Variants in SFMBT2 observed in about 807,000 individuals in gnomAD.
The protein encoded by SFMBT2 is scm-like with four MBT domains protein 2.
Under a neutral mutation model 110.1 loss-of-function variants are expected in SFMBT2, and 38 were observed. The observed-to-expected ratio is 0.35, with a 90% CI of 0.27 to 0.45. The LOEUF (loss-of-function observed/expected upper bound fraction) is 0.45. Among genes scored for constraint, SFMBT2 ranks in the 20% least tolerant of loss-of-function variants. SFMBT2 has a pLI of 1.00. For synonymous variants in SFMBT2, 425 were observed against 425.4 expected (o/e 1.00, Z 0.01); for missense variants, 1,011 against 1,094.9 (o/e 0.92, Z 1.08).
chr10:7,177,306 T>C (rs1182691487), intron 16 of SFMBT2, among the ~76,000 whole-genome samples: 1 of 152,154 alleles, frequency 6.6e-6, no homozygotes, highest in Non-Finnish European at 1.5e-5. Context: ...TACAGTCTAT[T>C]TGTGTATTAG....
At chr10:7,300,468 C>T (rs762574665) in intron 4 of SFMBT2, among the ~76,000 whole-genome samples, 6 of 152,218 alleles carry the variant, frequency 3.9e-5, no homozygotes, top group Non-Finnish European at 7.3e-5. Context: ...TGACAACATT[C>T]CTGGTCAACC....
rs140957999 is a variant in SFMBT2 at position 7,371,515 on chromosome 10, C to T, written c.101-1140G>A. ...CCCCAAACATTTAAGGCTACATATA[C>T]GATAAAACTTGTATAGCCAAAAAGC... is the stretch of plus-strand genomic sequence containing the variant. On this transcript the variant is annotated intron_variant, in intron 2 of 20. Transcript: ENST00000397167. Among the ~76,000 whole-genome samples the T allele has an allele frequency of 2.1e-4, 32 of 152,216 alleles. No individual in the cohort carries two copies. In the East Asian group the frequency reaches 5.0e-3, roughly 24 times the overall value.
At chr10:7,246,338 T>A (rs1249176352) in intron 8 of SFMBT2, among the ~76,000 whole-genome samples, 1 of 152,144 alleles carries the variant, frequency 6.6e-6, no homozygotes, top group Non-Finnish European at 1.5e-5. Context: ...AAAAAGAGAT[T>A]TGGGCTGAAA....
At chr10:7,287,287 G>A (rs893896210) in intron 4 of SFMBT2, 26 of 158,708 alleles carry the variant, frequency 1.6e-4, no homozygotes, top group Non-Finnish European at 2.7e-4. Context: ...CACCGTGTTA[G>A]CCAAGATGGT....
At chr10:7,226,262 T>G (rs1292716434) in intron 10 of SFMBT2, among the ~76,000 whole-genome samples, 2 of 152,214 alleles carry the variant, frequency 1.3e-5, no homozygotes, top group Non-Finnish European at 1.5e-5. Context: ...TCAAGGTCGT[T>G]CAATCATAGA....
chr10:7,248,740 G>T (rs1276404995), intron 7 of SFMBT2, 91 bp from the exon 8 acceptor site: 10 of 1,077,870 alleles, frequency 9.3e-6, no homozygotes, highest in African/African-American at 3.2e-5. Flanking sequence ...ATTTTATTGG[G>T]CAACCAAAAT....
intron 2 of SFMBT2, among the ~76,000 whole-genome samples, chr10:7,377,825 G>C (rs936080228): frequency 6.6e-6 from 1 of 152,218 alleles, no homozygotes; most frequent in Non-Finnish European, 1.5e-5. Context: ...CCATGGACCA[G>C]TACCAATCTG....
rs1410751252 is a variant in SFMBT2, at chr10:7,158,990, G to C, written c.*4780C>G. On this transcript the variant is annotated 3_prime_UTR_variant, in exon 21 of 21. Coordinates refer to ENST00000397167, the MANE Select transcript of SFMBT2 (RefSeq NM_001387889.1). ...GCTGGCTCCTGTTTCAAGCAAGTGA[G>C]ATGATTATCTTTTTCTGTCATTTAA... 1 of 152,152 alleles carries C rather than the reference G, an allele frequency of 6.6e-6. No individual in the cohort carries two copies. The highest frequency in any genetic ancestry group is 1.5e-5 in the Non-Finnish European group (1 of 68,032). The allele number at this position is 152,152 out of a possible 1,614,324, so 9.4% of individuals were successfully genotyped here. A position where few individuals can be genotyped will look rare whatever the true frequency, so the allele number is the denominator to read the frequency against.
chr10:7,372,460 C>G (rs1564463477), intron 2 of SFMBT2, among the ~76,000 whole-genome samples: 1 of 152,192 alleles, frequency 6.6e-6, no homozygotes. Flanking sequence ...GGAGAGAAAA[C>G]CTTTCCTTGG....
intron 1 of SFMBT2, among the ~76,000 whole-genome samples, chr10:7,385,563 T>A (rs994032433): frequency 1.3e-5 from 2 of 152,126 alleles, no homozygotes; most frequent in Non-Finnish European, 2.9e-5. Context: ...TGAAGGCATA[T>A]GACGGAGCCC....
intron 11 of SFMBT2, among the ~76,000 whole-genome samples, chr10:7,219,289 T>C (rs1032884349): frequency 1.3e-5 from 2 of 152,248 alleles, no homozygotes; most frequent in Non-Finnish European, 2.9e-5. Flanking sequence ...GAGGCCATTC[T>C]ACTTGAAAAC....
At chr10:7,270,529 C>T (rs1841548392) in intron 7 of SFMBT2, among the ~76,000 whole-genome samples, 2 of 152,166 alleles carry the variant, frequency 1.3e-5, no homozygotes, top group Non-Finnish European at 2.9e-5. Context: ...TAAGAGAAAA[C>T]ATTAATGAAA....
chr10:7,355,916 A>C lies in SFMBT2; in HGVS notation c.436+11733T>G, dbSNP rs576055161. On this transcript the variant is annotated intron_variant, in intron 4 of 20. Coordinates refer to ENST00000397167, the MANE Select transcript of SFMBT2 (RefSeq NM_001387889.1). ...AATAGAAACTGCTCAGAACTATTGC[A>C]AAGTGATTCTTCACTCTGTAAAAAA... Among the ~76,000 whole-genome samples the C allele has an allele frequency of 1.6e-4, 25 of 152,358 alleles. No individual in the cohort carries two copies. In the South Asian group the frequency reaches 5.0e-3, roughly 30 times the overall value.
intron 7 of SFMBT2, among the ~76,000 whole-genome samples, chr10:7,257,078 C>A (rs1422702977): frequency 1.9e-5 from 2 of 107,454 alleles, no homozygotes; most frequent in Non-Finnish European, 3.5e-5. Context: ...GGTGACAGAG[C>A]GAGACTCCGT....
At chr10:7,228,742 C>T (rs55642007) in intron 9 of SFMBT2, among the ~76,000 whole-genome samples, 1,324 of 35,526 alleles carry the variant, frequency 0.037, 5 homozygotes, top group South Asian at 0.059. Context: ...TTTCCTTTCT[C>T]TCTCTCTCTC....
intron 4 of SFMBT2, among the ~76,000 whole-genome samples, chr10:7,335,467 G>A (rs1463434807): frequency 1.3e-5 from 2 of 152,028 alleles, no homozygotes. Context: ...TCTGGAGTAA[G>A]CCTGCACCCC....
chr10:7,274,512 C>G (rs1841705021), intron 7 of SFMBT2, among the ~76,000 whole-genome samples: 1 of 152,164 alleles, frequency 6.6e-6, no homozygotes, highest in Non-Finnish European at 1.5e-5. Context: ...GGGCCTTCCC[C>G]CTTCATCCAG....
intron 4 of SFMBT2, among the ~76,000 whole-genome samples, chr10:7,318,866 T>C (rs945437767): frequency 4.6e-5 from 7 of 152,038 alleles, no homozygotes; most frequent in African/African-American, 1.7e-4. Context: ...ATGAAAAAAA[T>C]GACATTTTAG....
Position 7,176,221 on chromosome 10 carries a change from T to C in SFMBT2, c.1809-56A>G, listed in dbSNP as rs1564367925. 6 of 1,553,018 alleles carry C rather than the reference T, an allele frequency of 3.9e-6. No homozygotes were observed. In the East Asian group the frequency reaches 6.8e-5, roughly 17 times the overall value. On this transcript the variant is annotated intron_variant, in intron 16 of 20. Transcript: ENST00000397167. Reference sequence around the variant, plus strand: ...GCAAGACCAGATTATGATTCAGGCCTATTCTGTACCACACATTCCGAAGGC... The same window carrying C: ...GCAAGACCAGATTATGATTCAGGCCCATTCTGTACCACACATTCCGAAGGC...
Sources: allele counts gnomAD v4.1 joint callset (sites outside exome capture counted in the v4.1 genomes callset), GRCh38; gene constraint gnomAD v4.1.1; transcripts MANE v1.5; gene names NCBI Gene and HGNC (gene_info 2026-07-23, HGNC 2026-07-21).